SP100: variants seen among roughly 807,000 people sequenced by gnomAD.
The protein encoded by SP100 is nuclear autoantigen Sp-100.
Under a neutral mutation model 130.0 loss-of-function variants are expected in SP100, and 84 were observed. That is an observed-to-expected ratio of 0.65 (90% CI 0.54 to 0.77). The LOEUF (loss-of-function observed/expected upper bound fraction) is 0.77. SP100 is among the 30% of genes least tolerant of loss of function. The pLI is 0.00. For synonymous variants in SP100, 331 were observed against 351.7 expected (o/e 0.94, Z 0.66); for missense variants, 978 against 1,052.2 (o/e 0.93, Z 0.97).
At chr2:230,528,909 C>A (rs1421385277) in intron 24 of SP100, among the ~76,000 whole-genome samples, 1 of 152,216 alleles carries the variant, frequency 6.6e-6, no homozygotes, top group African/African-American at 2.4e-5. Context: ...AGACCAATAA[C>A]AGGTTCTGAA....
chr2:230,504,758 C>G (rs1689947321), intron 21 of SP100, among the ~76,000 whole-genome samples: 1 of 152,086 alleles, frequency 6.6e-6, no homozygotes, highest in Non-Finnish European at 1.5e-5. Flanking sequence ...ATCATTTGCG[C>G]AAACAGTTTA....
chr2:230,529,656 G>T (rs190653882), intron 24 of SP100, among the ~76,000 whole-genome samples: 1 of 152,204 alleles, frequency 6.6e-6, no homozygotes, highest in Admixed American at 6.5e-5. Context: ...TTTGCAGATG[G>T]CATGATTGTA....
At chr2:230,534,570 C>A (rs1691844614) in intron 24 of SP100, among the ~76,000 whole-genome samples, 2 of 152,160 alleles carry the variant, frequency 1.3e-5, no homozygotes, top group South Asian at 4.1e-4. Flanking sequence ...AACTTATTTG[C>A]ACATTAGGTT....
At position 230,541,892 on chromosome 2, in the gene SP100, A is replaced by G; in HGVS notation, c.2404A>G (p.Asn802Asp). The change falls in exon 28 of 29, where the codon AAC becomes GAC. Residue 802 changes from asparagine to aspartate, a missense_variant and splice_region_variant. Coordinates refer to ENST00000340126, the MANE Select transcript of SP100 (RefSeq NM_001080391.2). ...SCFFASEPYYNREGSQGPQKP... is the reference protein window; with the variant it reads ...SCFFASEPYYDREGSQGPQKP... Reference sequence around the variant, plus strand: ...CTCATTTTGGTCTTTTACTCAACAGAACAGAGAGGGGTCTCAGGGCCCACA... The same window carrying G: ...CTCATTTTGGTCTTTTACTCAACAGGACAGAGAGGGGTCTCAGGGCCCACA... 1 of 1,613,888 alleles carries G rather than the reference A, an allele frequency of 6.2e-7. No homozygotes were observed.
chr2:230,441,484 C>T (rs1559489299), intron 2 of SP100, among the ~76,000 whole-genome samples: 1 of 152,100 alleles, frequency 6.6e-6, no homozygotes. Flanking sequence ...GTGGAATCAA[C>T]TCCAATGACC....
intron 2 of SP100, among the ~76,000 whole-genome samples, chr2:230,419,314 G>A (rs1404789442): frequency 6.6e-6 from 1 of 152,162 alleles, no homozygotes; most frequent in Non-Finnish European, 1.5e-5. Flanking sequence ...ATCTCATGCT[G>A]TCCCTCTCCA....
In SP100 at chr2:230,498,497, T is replaced by C; in HGVS notation, c.1682T>C (p.Leu561Pro). The C allele has an allele frequency of 6.6e-7, 1 of 1,508,160 alleles. No homozygotes were observed. Among genetic ancestry groups the C allele is most frequent in the Non-Finnish European group, 8.8e-7 (1 of 1,136,432 alleles). 93.4% of individuals were successfully genotyped at this position (1,508,160 alleles called of 1,614,324 possible). A position where few individuals can be genotyped will look rare whatever the true frequency, so the allele number is the denominator to read the frequency against. The part of the protein sequence containing the change: ...KKDRPRKHLT[L>P]NNKVQKKRWQ... ...GACAGACCTAGAAAACATTTAACTC[T>C]GAATAACAAAGTCCAAAAGAAAAGA... is the stretch of plus-strand genomic sequence containing the variant. The change falls in exon 19 of 29, where the codon CTG (leucine) becomes CCG (proline). Residue 561 changes from leucine to proline, a missense_variant. Transcript: ENST00000340126.
intron 2 of SP100, among the ~76,000 whole-genome samples, chr2:230,428,764 A>G (rs1429884592): frequency 6.6e-6 from 1 of 152,104 alleles, no homozygotes; most frequent in African/African-American, 2.4e-5. Flanking sequence ...ACACTTTTAA[A>G]CTAGATCTCA....
In SP100 at chr2:230,446,927, T is replaced by G. The variant is rs759826771; in HGVS notation, c.523+25T>G. ...GGTAAAAATGACAGAATAAAAGCTT[T>G]TTTCTAAGAGAGGTTAGGGATCCAA... On this transcript the variant is annotated intron_variant, in intron 5 of 28. Coordinates refer to ENST00000340126, the MANE Select transcript of SP100 (RefSeq NM_001080391.2). 8.9e-5 allele frequency: 129 copies of G among 1,450,036 alleles called. 1 individual carries two copies. The African/African-American group carries it at 1.4e-3, about 16-fold the overall frequency. The allele number at this position is 1,450,036 out of a possible 1,614,324, so 89.8% of individuals were successfully genotyped here. A position where few individuals can be genotyped will look rare whatever the true frequency, so the allele number is the denominator to read the frequency against.
At chr2:230,448,953 C>T in intron 5 of SP100, 135 bp from the exon 6 acceptor site, 1 of 694,732 alleles carries the variant, frequency 1.4e-6, no homozygotes, top group Admixed American at 2.1e-5. Context: ...CATCTGCCAG[C>T]TCCAGGTGGC....
chr2:230,510,629 G>GCCT (rs1487504422), intron 23 of SP100: 972 of 25,146 alleles, frequency 0.039, 20 homozygotes, highest in African/African-American at 0.17. Context: ...TCCTCCCTCA[G>GCCT]CCCACTACAG....
intron 25 of SP100, among the ~76,000 whole-genome samples, chr2:230,539,720 G>C (rs756767612): frequency 3.3e-5 from 5 of 152,168 alleles, no homozygotes; most frequent in Non-Finnish European, 7.4e-5. Flanking sequence ...TACACCACCT[G>C]CTGTGGGACC....
intron 17 of SP100, among the ~76,000 whole-genome samples, chr2:230,482,681 A>T (rs1436522008): frequency 6.8e-6 from 1 of 147,752 alleles, no homozygotes; most frequent in African/African-American, 2.5e-5. Flanking sequence ...CATAACATGC[A>T]TCAAGCTGCC....
Position 230,541,321 on chromosome 2 carries a change from G to T in SP100, c.2352G>T (p.Leu784Phe), listed in dbSNP as rs2150117917. ...EEQLKCEFLL[L>F]KVYCDSKSCF... ...TGCAGAAATGTGAATTCCTCCTCTT[G>T]AAGGTCTACTGTGATTCGAAAAGCT... The change falls in exon 27 of 29, where the codon TTG (leucine) becomes TTT (phenylalanine). Residue 784 changes from leucine to phenylalanine, a missense_variant. Leu to Phe is a conservative substitution (Grantham distance 22). Transcript: ENST00000340126. The T allele has an allele frequency of 3.7e-6, 6 of 1,613,970 alleles. No individual in the cohort carries two copies. In the South Asian group the frequency reaches 6.6e-5, roughly 18 times the overall value.
intron 17 of SP100, among the ~76,000 whole-genome samples, chr2:230,479,858 C>T (rs890230229): frequency 1.3e-5 from 2 of 152,162 alleles, no homozygotes; most frequent in African/African-American, 4.8e-5. Context: ...CCCAGTTCCA[C>T]AGGATAAGGC....
chr2:230,535,902 A>G (rs1292587971), intron 24 of SP100, among the ~76,000 whole-genome samples: 2 of 80,160 alleles, frequency 2.5e-5, no homozygotes, highest in East Asian at 6.1e-4. Context: ...GCAAGACTCC[A>G]TCTCAAAAAA....
intron 15 of SP100, 188 bp downstream of exon 15, chr2:230,470,286 GA>G (rs1240227018): frequency 1.6e-5 from 21 of 1,317,528 alleles, no homozygotes; most frequent in Non-Finnish European, 2.0e-5. Flanking sequence ...ATGTTTAACA[GA>G]AAGAGTTTCA....
rs188881985 is a variant in SP100, at chr2:230,515,072, C to T, written c.2094+3906C>T. 3 of 1,610,812 alleles carry T rather than the reference C, an allele frequency of 1.9e-6. No homozygotes were observed. In the African/African-American group the frequency reaches 4.0e-5, roughly 22 times the overall value. On this transcript the variant is annotated intron_variant, in intron 24 of 28. Transcript: ENST00000340126. ...CTGAGAGGTGAAATGTTATCATATG[C>T]ATTTTTTGTGCAAACTTGTCAGGAG...
chr2:230,470,344 A>G, intron 15 of SP100: 1 of 1,153,172 alleles, frequency 8.7e-7, no homozygotes. Context: ...GAAGAAATAA[A>G]TAGCAAATTT....
Sources: gnomAD v4.1 joint callset for allele counts (sites outside exome capture counted in the v4.1 genomes callset) on GRCh38, gnomAD v4.1.1 for gene constraint, MANE v1.5 for transcripts, NCBI Gene and HGNC (gene_info 2026-07-23, HGNC 2026-07-21) for gene names.